DNAH12: variants seen among roughly 807,000 people sequenced by gnomAD.
DNAH12 encodes the protein axonemal beta dynein heavy chain 12.
In DNAH12, 285 loss-of-function variants were observed where a neutral mutation model predicts 371.5. The observed-to-expected ratio is 0.77, with a 90% confidence interval of 0.70 to 0.85. The LOEUF is 0.85. DNAH12 is among the 40% of genes least tolerant of loss of function. The pLI is 0.00. For synonymous variants in DNAH12, 1,200 were observed against 1,213.0 expected, an observed-to-expected ratio of 0.99 and a Z score of 0.22; for missense variants, 3,611 against 3,689.4, an observed-to-expected ratio of 0.98 and a Z score of 0.55.
chr3:57,351,037 G>A (rs1553659980), intron 60 of DNAH12, among the ~76,000 whole-genome samples: 1 of 151,992 alleles, frequency 6.6e-6, no homozygotes, highest in African/African-American at 2.4e-5. Flanking sequence ...TTGGGAGGTC[G>A]AGGCAGGCAG....
intron 11 of DNAH12, among the ~76,000 whole-genome samples, chr3:57,501,059 G>A (rs1193002000): frequency 6.6e-6 from 1 of 152,202 alleles, no homozygotes; most frequent in Non-Finnish European, 1.5e-5. Flanking sequence ...GGGATTACAG[G>A]CATGAGCCAC....
At chr3:57,480,431 A>G (rs2066698178) in intron 13 of DNAH12, among the ~76,000 whole-genome samples, 1 of 151,894 alleles carries the variant, frequency 6.6e-6, no homozygotes, top group Non-Finnish European at 1.5e-5. Context: ...AATAATTAAT[A>G]GCTTACCAAC....
rs573832224 is a variant in DNAH12 at position 57,462,840 on chromosome 3, T to C, written c.2385A>G (p.Pro795=). 5 of 1,551,348 alleles carry C rather than the reference T, an allele frequency of 3.2e-6. No individual in the cohort carries two copies. In the South Asian group the frequency reaches 3.6e-5, roughly 11 times the overall value. ...YIPTVSILCN[P]GMRARHWKQI... Reference sequence around the variant, plus strand: ...GTTTCCAGTGACGAGCTCTCATTCCTGGATTGCACAGAATGGAGACAGTAG... The same window carrying C: ...GTTTCCAGTGACGAGCTCTCATTCCCGGATTGCACAGAATGGAGACAGTAG... Residue 795 remains proline, a synonymous_variant, in exon 18 of 74, where the codon CCA becomes CCG. Coordinates refer to ENST00000495027, the MANE Select transcript of DNAH12 (RefSeq NM_001366028.2).
At chr3:57,479,930 G>A (rs1219494936) in intron 13 of DNAH12, among the ~76,000 whole-genome samples, 2 of 152,064 alleles carry the variant, frequency 1.3e-5, no homozygotes, top group Non-Finnish European at 2.9e-5. Flanking sequence ...AGTGTGTAGA[G>A]GGAAATTTAT....
chr3:57,493,252 C>T (rs1395193465), intron 11 of DNAH12, among the ~76,000 whole-genome samples: 1 of 151,872 alleles, frequency 6.6e-6, no homozygotes, highest in African/African-American at 2.4e-5. Context: ...AATCAACTAA[C>T]AGCAGATTGA....
intron 34 of DNAH12, 92 bp downstream of exon 34, chr3:57,428,541 G>T (rs1218481091): frequency 2.0e-6 from 3 of 1,514,456 alleles, no homozygotes; most frequent in Middle Eastern, 1.7e-4. Context: ...ACTGGTTTTA[G>T]TTATTCATTC....
intron 43 of DNAH12, among the ~76,000 whole-genome samples, chr3:57,396,306 A>C (rs1218280959): frequency 2.0e-5 from 3 of 149,412 alleles, no homozygotes; most frequent in East Asian, 1.9e-4. Flanking sequence ...AAAAAAAAAA[A>C]AAAAGAGAAC....
In DNAH12 at chr3:57,322,324, TC is replaced by T; in HGVS notation, c.10524+18del. The T allele has an allele frequency of 6.5e-7, 1 of 1,538,632 alleles. No individual in the cohort carries two copies. On this transcript the variant is annotated intron_variant, in intron 65 of 73. Coordinates refer to ENST00000495027, the MANE Select transcript of DNAH12 (RefSeq NM_001366028.2). ...TCACTATAAAACACATTTTAAAAGTTCCAAAAGATGAATATTACCAGTTCCT... is the reference window on the plus strand; with the variant it reads ...TCACTATAAAACACATTTTAAAAGTTCAAAAGATGAATATTACCAGTTCCT...
intron 27 of DNAH12, 107 bp from the exon 28 acceptor site, chr3:57,445,526 C>T (rs1439236804): frequency 4.0e-6 from 4 of 1,009,564 alleles, no homozygotes; most frequent in African/African-American, 1.7e-5. Flanking sequence ...TCTCCAAATG[C>T]AGCACCTTTT....
In DNAH12 at chr3:57,425,146, A is replaced by T. The variant is rs1464593572; in HGVS notation, c.5254-5T>A. ...GTTGCTTGTAGGAATCAGTTCCTGC[A>T]AGGTGAAAATAAGATAACTTTCTTA... On this transcript the variant is annotated splice_polypyrimidine_tract_variant and splice_region_variant and intron_variant, in intron 34 of 73. Coordinates refer to ENST00000495027, the MANE Select transcript of DNAH12 (RefSeq NM_001366028.2). The T allele has an allele frequency of 1.4e-6, 1 of 693,256 alleles. No individual in the cohort carries two copies. Among genetic ancestry groups the T allele is most frequent in the Non-Finnish European group, 2.6e-6 (1 of 382,608 alleles). 42.9% of individuals were successfully genotyped at this position (693,256 alleles called of 1,614,324 possible).
intron 69 of DNAH12, among the ~76,000 whole-genome samples, chr3:57,305,782 A>C (rs1357833767): frequency 1.3e-5 from 2 of 152,150 alleles, no homozygotes; most frequent in Non-Finnish European, 2.9e-5. Flanking sequence ...ACCCCACAAC[A>C]GGACTTAATT....
intron 8 of DNAH12, among the ~76,000 whole-genome samples, chr3:57,504,663 G>A (rs1458437580): frequency 6.6e-6 from 1 of 152,138 alleles, no homozygotes; most frequent in Non-Finnish European, 1.5e-5. Context: ...TCTGATACAG[G>A]AATGTAATGT....
intron 8 of DNAH12, among the ~76,000 whole-genome samples, chr3:57,507,253 T>A (rs897653842): frequency 6.6e-6 from 1 of 152,108 alleles, no homozygotes; most frequent in Non-Finnish European, 1.5e-5. Flanking sequence ...ACCAGATACC[T>A]CTTATACAAT....
intron 25 of DNAH12, among the ~76,000 whole-genome samples, chr3:57,447,211 T>C (rs1006901068): frequency 3.3e-5 from 5 of 152,246 alleles, no homozygotes; most frequent in Non-Finnish European, 5.9e-5. Context: ...GCTCTATGCT[T>C]CTCTTACCGG....
At chr3:57,477,870 G>A (rs1346444106) in intron 13 of DNAH12, among the ~76,000 whole-genome samples, 1 of 152,156 alleles carries the variant, frequency 6.6e-6, no homozygotes, top group Non-Finnish European at 1.5e-5. Flanking sequence ...GGTCCTGACT[G>A]TTAGAAGGAA....
chr3:57,504,265 G>T, intron 8 of DNAH12, 61 bp from the exon 9 acceptor site: 1 of 1,409,256 alleles, frequency 7.1e-7, no homozygotes. Flanking sequence ...ACTAAAATCA[G>T]TAAACTGATT....
chr3:57,394,549 ACT>A lies in DNAH12; in HGVS notation c.6949-219_6949-218del, dbSNP rs1293931609. Among the ~76,000 whole-genome samples the A allele has an allele frequency of 2.6e-5, 4 of 152,220 alleles. No individual in the cohort carries two copies. In the East Asian group the frequency reaches 5.8e-4, roughly 22 times the overall value. On this transcript the variant is annotated intron_variant, in intron 43 of 73. Coordinates refer to ENST00000495027, the MANE Select transcript of DNAH12 (RefSeq NM_001366028.2). ...TTTCCCCAAAACCCTAGACATAATC[ACT>A]GATTCAGAGGATGGCATATGATTTA...
chr3:57,424,236 G>A (rs559538480), intron 35 of DNAH12, among the ~76,000 whole-genome samples: 3 of 152,004 alleles, frequency 2.0e-5, no homozygotes, highest in South Asian at 4.2e-4. Context: ...TTGGGAGACC[G>A]AGGTGGGCGA....
At chr3:57,488,835 A>G (rs2067022383) in intron 12 of DNAH12, among the ~76,000 whole-genome samples, 1 of 152,124 alleles carries the variant, frequency 6.6e-6, no homozygotes, top group Non-Finnish European at 1.5e-5. Flanking sequence ...CACAGGACAT[A>G]TTCCCTCTCT....
Sources: allele counts gnomAD v4.1 joint callset (sites outside exome capture counted in the v4.1 genomes callset), GRCh38; gene constraint gnomAD v4.1.1; transcripts MANE v1.5; gene names NCBI Gene and HGNC (gene_info 2026-07-23, HGNC 2026-07-21).